Variants in BAIAP2 observed in about 807,000 individuals in gnomAD.
BAIAP2 encodes BAR/IMD domain containing adaptor protein 2, also known as BAR/IMD domain-containing adapter protein 2.
A neutral mutation model predicts 63.0 loss-of-function variants in BAIAP2; 18 were observed. The ratio of observed to expected loss-of-function variants is 0.29; its 90% confidence interval spans 0.20 to 0.42. BAIAP2 has a LOEUF of 0.42. Among genes scored for constraint, BAIAP2 ranks in the 10% least tolerant of loss-of-function variants. The pLI is 1.00. For missense variants in BAIAP2, 610 were observed against 734.3 expected, an observed-to-expected ratio of 0.83 and a Z score of 1.96; for synonymous variants, 386 against 307.6, an observed-to-expected ratio of 1.25 and a Z score of -2.67.
intron 4 of BAIAP2, chr17:81,085,300 G>T (rs1351168546): frequency 1.9e-6 from 1 of 518,152 alleles, no homozygotes; most frequent in Non-Finnish European, 3.5e-6. Context: ...TAAAGCCAGG[G>T]GTCTGACCCT....
At chr17:81,081,750 G>C (rs1241843887) in intron 3 of BAIAP2, among the ~76,000 whole-genome samples, 1 of 152,158 alleles carries the variant, frequency 6.6e-6, no homozygotes, top group Non-Finnish European at 1.5e-5. Context: ...GTTTGCCGCT[G>C]ATCCCCAGAG....
intron 10 of BAIAP2, 40 bp downstream of exon 10, chr17:81,104,755 C>T: frequency 6.6e-7 from 1 of 1,525,622 alleles, no homozygotes; most frequent in African/African-American, 1.4e-5. Context: ...CAGCCGCTGC[C>T]TTCAGCAAGT....
At chr17:81,100,212 G>T in intron 7 of BAIAP2, 132 bp downstream of exon 7, 1 of 1,277,004 alleles carries the variant, frequency 7.8e-7, no homozygotes, top group Non-Finnish European at 1.0e-6. Context: ...TTTATTTCGG[G>T]TTTTCTTGGG....
intron 3 of BAIAP2, among the ~76,000 whole-genome samples, chr17:81,075,637 C>T (rs115574007): frequency 3.3e-4 from 51 of 152,314 alleles, no homozygotes; most frequent in Middle Eastern, 6.8e-3. Context: ...CTCCAAGGAC[C>T]CTACCTCCAC....
At chr17:81,081,211 G>A (rs1350141162) in intron 3 of BAIAP2, among the ~76,000 whole-genome samples, 1 of 152,206 alleles carries the variant, frequency 6.6e-6, no homozygotes, top group Non-Finnish European at 1.5e-5. Context: ...GGCTTCCTGA[G>A]CCCAGAGGTC....
chr17:81,093,403 C>T (rs1200978387), intron 6 of BAIAP2, among the ~76,000 whole-genome samples: 2 of 142,908 alleles, frequency 1.4e-5, no homozygotes, highest in African/African-American at 5.1e-5. Flanking sequence ...CCCGGGGCTA[C>T]AAGGAGAGCC....
intron 3 of BAIAP2, among the ~76,000 whole-genome samples, chr17:81,071,294 C>T (rs1318543456): frequency 2.0e-5 from 3 of 152,142 alleles, no homozygotes; most frequent in Admixed American, 2.0e-4. Context: ...GGTCCCCTGG[C>T]CCCTGTGGGG....
chr17:81,104,943 G>T, intron 10 of BAIAP2: 2 of 482,902 alleles, frequency 4.1e-6, no homozygotes, highest in East Asian at 4.0e-5. Flanking sequence ...TCCCTGCAGG[G>T]GTCTTCCCCT....
chr17:81,038,026 C>T lies in BAIAP2; in HGVS notation c.54+2718C>T, dbSNP rs146322320. Among the ~76,000 whole-genome samples the T allele has an allele frequency of 3.6e-4, 55 of 152,346 alleles. 1 individual carries two copies. The East Asian group carries it at 9.6e-3, about 27-fold the overall frequency. ...ACGGCTTCCCGGTGTTTGCCGAGAACATAATCTCAGACCTTCTGGGGGCAC... is the reference window on the plus strand; with the variant it reads ...ACGGCTTCCCGGTGTTTGCCGAGAATATAATCTCAGACCTTCTGGGGGCAC... On this transcript the variant is annotated intron_variant, in intron 1 of 13. Coordinates refer to ENST00000428708, the MANE Select transcript of BAIAP2 (RefSeq NM_001144888.2).
chr17:81,048,951 C>A (rs929435950), intron 1 of BAIAP2, among the ~76,000 whole-genome samples: 8 of 152,198 alleles, frequency 5.3e-5, no homozygotes, highest in African/African-American at 1.9e-4. Flanking sequence ...GGGAGCCCCT[C>A]GTGGGCCGGA....
intron 3 of BAIAP2, among the ~76,000 whole-genome samples, chr17:81,076,687 T>G (rs530473711): frequency 6.6e-6 from 1 of 152,286 alleles, no homozygotes; most frequent in East Asian, 1.9e-4. Context: ...TGAAGTTGTA[T>G]TCAACCACAA....
At chr17:81,080,619 C>G (rs946222177) in intron 3 of BAIAP2, among the ~76,000 whole-genome samples, 1 of 152,222 alleles carries the variant, frequency 6.6e-6, no homozygotes, top group East Asian at 1.9e-4. Flanking sequence ...TTGTTGTTGG[C>G]TGTTGTCTTC....
chr17:81,045,006 G>A (rs879274409), intron 1 of BAIAP2, among the ~76,000 whole-genome samples: 29 of 152,244 alleles, frequency 1.9e-4, no homozygotes, highest in Non-Finnish European at 3.5e-4. Flanking sequence ...AGCTGGGATA[G>A]GCAGGATGTG....
At chr17:81,040,575 G>A (rs778769877) in intron 1 of BAIAP2, among the ~76,000 whole-genome samples, 1 of 152,284 alleles carries the variant, frequency 6.6e-6, no homozygotes, top group East Asian at 1.9e-4. Context: ...GCATGGAACG[G>A]CGGCCAGCCT....
At chr17:81,039,283 G>C (rs2046760996) in intron 1 of BAIAP2, among the ~76,000 whole-genome samples, 1 of 152,260 alleles carries the variant, frequency 6.6e-6, no homozygotes, top group African/African-American at 2.4e-5. Flanking sequence ...TGTGGGCTTT[G>C]GCCCCAGGCA....
chr17:81,049,485 TTGA>T (rs2048333552), intron 1 of BAIAP2, among the ~76,000 whole-genome samples: 1 of 152,142 alleles, frequency 6.6e-6, no homozygotes, highest in Non-Finnish European at 1.5e-5. Context: ...CCTCTTGGTG[TTGA>T]TAAGAAACAA....
chr17:81,082,139 T>C (rs1455735337), intron 3 of BAIAP2, among the ~76,000 whole-genome samples: 1 of 152,006 alleles, frequency 6.6e-6, no homozygotes, highest in Non-Finnish European at 1.5e-5. Context: ...CCTGTGGTTG[T>C]GGCCAGAGTG....
chr17:81,113,065 T>C (rs1364428805), intron 13 of BAIAP2, among the ~76,000 whole-genome samples: 1 of 152,078 alleles, frequency 6.6e-6, no homozygotes, highest in Non-Finnish European at 1.5e-5. Flanking sequence ...AAAATAATAA[T>C]ACAATTTAAA....
At chr17:81,109,140 C>A in intron 13 of BAIAP2, 1 of 1,444,822 alleles carries the variant, frequency 6.9e-7, no homozygotes, top group Admixed American at 2.6e-5. Context: ...TGGTTGGTGA[C>A]CCCAGACTCT....
Sources: gnomAD v4.1 joint callset for allele counts (sites outside exome capture counted in the v4.1 genomes callset) on GRCh38, gnomAD v4.1.1 for gene constraint, MANE v1.5 for transcripts, NCBI Gene and HGNC (gene_info 2026-07-23, HGNC 2026-07-21) for gene names.